Variants in SLC24A3 observed in about 807,000 individuals in gnomAD.
The protein encoded by SLC24A3 is solute carrier family 24 member 3.
Under a neutral mutation model 75.8 loss-of-function variants are expected in SLC24A3, and 28 were observed. That is an observed-to-expected ratio of 0.37 (90% CI 0.27 to 0.51). SLC24A3 has a LOEUF of 0.51. Among genes scored for constraint, SLC24A3 ranks in the 20% least tolerant of loss-of-function variants. SLC24A3 has a pLI of 0.94. For synonymous variants in SLC24A3, 372 were observed against 334.1 expected (o/e 1.11, Z -1.24); for missense variants, 663 against 847.8 (o/e 0.78, Z 2.71).
chr20:19,242,848 T>C lies in SLC24A3; in HGVS notation c.142+29864T>C, dbSNP rs372779298. On this transcript the variant is annotated intron_variant, in intron 1 of 16. Transcript: ENST00000328041. ...AAATTTGCATGTATAGATAATTATT[T>C]TGCATCACTGTCAATTTACAGAGTT... 4.6e-5 allele frequency among the ~76,000 whole-genome samples: 7 copies of C among 152,290 alleles called. 1 individual carries two copies. The East Asian group carries it at 1.2e-3, about 25-fold the overall frequency.
At chr20:19,489,563 T>C (rs1375994409) in intron 2 of SLC24A3, among the ~76,000 whole-genome samples, 2 of 152,210 alleles carry the variant, frequency 1.3e-5, no homozygotes, top group African/African-American at 4.8e-5. Flanking sequence ...CTCTCTTTTA[T>C]GGATTTGTTT....
intron 6 of SLC24A3, among the ~76,000 whole-genome samples, chr20:19,604,951 T>G (rs2122656881): frequency 6.6e-6 from 1 of 152,316 alleles, no homozygotes; most frequent in South Asian, 2.1e-4. Flanking sequence ...ATTCCCCTCT[T>G]ACAGGTGACC....
chr20:19,336,765 C>T (rs2122301164), intron 2 of SLC24A3, among the ~76,000 whole-genome samples: 1 of 149,708 alleles, frequency 6.7e-6, no homozygotes, highest in South Asian at 2.1e-4. Context: ...ACCACTCCTT[C>T]CTGTTGGCAC....
chr20:19,682,093 A>C, intron 10 of SLC24A3, 102 bp downstream of exon 10: 1 of 1,286,264 alleles, frequency 7.8e-7, no homozygotes, highest in Non-Finnish European at 1.1e-6. Context: ...TCTTTACTAA[A>C]AATACAACAA....
intron 12 of SLC24A3, among the ~76,000 whole-genome samples, chr20:19,689,448 G>A (rs1423260936): frequency 6.6e-6 from 1 of 152,184 alleles, no homozygotes; most frequent in East Asian, 1.9e-4. Flanking sequence ...CTCAGTTGCT[G>A]GCTGACTTTT....
intron 2 of SLC24A3, among the ~76,000 whole-genome samples, chr20:19,313,604 AC>A (rs1192451294): frequency 6.6e-6 from 1 of 152,208 alleles, no homozygotes; most frequent in East Asian, 1.9e-4. Flanking sequence ...CTCTCCTGCC[AC>A]TGCTAGGTCT....
intron 13 of SLC24A3, 71 bp downstream of exon 13, chr20:19,693,496 G>A (rs1007124903): frequency 1.3e-6 from 2 of 1,558,438 alleles, no homozygotes; most frequent in East Asian, 4.5e-5. Flanking sequence ...AAGAGTCAGG[G>A]TTTCAGCCGA....
chr20:19,290,858 G>A (rs1333877865), intron 2 of SLC24A3, among the ~76,000 whole-genome samples: 1 of 152,172 alleles, frequency 6.6e-6, no homozygotes, highest in African/African-American at 2.4e-5. Context: ...TTCCAGCAGG[G>A]TCTATGTGTG....
intron 2 of SLC24A3, among the ~76,000 whole-genome samples, chr20:19,389,839 G>A (rs1201412438): frequency 1.3e-5 from 2 of 151,890 alleles, no homozygotes; most frequent in East Asian, 1.9e-4. Context: ...TGCTCTTTCT[G>A]TGTTCCTTCC....
At chr20:19,251,595 A>G (rs1378884454) in intron 1 of SLC24A3, among the ~76,000 whole-genome samples, 1 of 152,104 alleles carries the variant, frequency 6.6e-6, no homozygotes, top group African/African-American at 2.4e-5. Flanking sequence ...GGTCTCAGAG[A>G]GTCTGTGGAA....
chr20:19,327,466 G>T (rs909486084), intron 2 of SLC24A3, among the ~76,000 whole-genome samples: 1 of 152,220 alleles, frequency 6.6e-6, no homozygotes, highest in Non-Finnish European at 1.5e-5. Context: ...GTGGCAGTGA[G>T]TGCTCTACCC....
intron 1 of SLC24A3, among the ~76,000 whole-genome samples, chr20:19,246,614 A>C (rs534110376): frequency 6.6e-6 from 1 of 152,324 alleles, no homozygotes; most frequent in Non-Finnish European, 1.5e-5. Context: ...TATAACACTA[A>C]AAATTTTGAT....
rs559023831 is a variant in SLC24A3 at position 19,228,507 on chromosome 20, T to C, written c.142+15523T>C. ...ACAAAAAATTAGCCGGGCGTGGGCG[T>C]GGTGGTGGGCGCCTGTAGTCTCAGC... On this transcript the variant is annotated intron_variant, in intron 1 of 16. Transcript: ENST00000328041. Among the ~76,000 whole-genome samples the C allele has an allele frequency of 5.3e-5, 8 of 151,940 alleles. No individual in the cohort carries two copies. The South Asian group carries it at 1.7e-3, about 32-fold the overall frequency.
intron 12 of SLC24A3, 158 bp from the exon 13 acceptor site, chr20:19,693,101 G>A: frequency 2.5e-6 from 2 of 798,944 alleles, no homozygotes; most frequent in Non-Finnish European, 3.7e-6. Context: ...TTTCGTTGGT[G>A]ATGGAAAGTC....
intron 3 of SLC24A3, among the ~76,000 whole-genome samples, chr20:19,563,871 G>T (rs1193190619): frequency 6.6e-6 from 1 of 152,176 alleles, no homozygotes; most frequent in Non-Finnish European, 1.5e-5. Context: ...CTACCTTATT[G>T]TGATAACCCT....
intron 2 of SLC24A3, among the ~76,000 whole-genome samples, chr20:19,513,948 C>A (rs564544366): frequency 2.6e-4 from 40 of 152,242 alleles, no homozygotes; most frequent in Middle Eastern, 6.8e-3. Flanking sequence ...CCATCCTCTT[C>A]GCAAGTTTCA....
At chr20:19,383,497 C>A (rs1302277401) in intron 2 of SLC24A3, among the ~76,000 whole-genome samples, 3 of 152,098 alleles carry the variant, frequency 2.0e-5, no homozygotes, top group Non-Finnish European at 4.4e-5. Context: ...TGCCTATGTT[C>A]TGTGTTCATC....
intron 2 of SLC24A3, among the ~76,000 whole-genome samples, chr20:19,453,947 C>T (rs1019888471): frequency 2.0e-5 from 3 of 152,206 alleles, no homozygotes; most frequent in Non-Finnish European, 2.9e-5. Context: ...TTACTGCAAG[C>T]GTATGAGCTA....
intron 6 of SLC24A3, among the ~76,000 whole-genome samples, chr20:19,640,043 A>T (rs1040687251): frequency 6.6e-6 from 1 of 152,208 alleles, no homozygotes; most frequent in Non-Finnish European, 1.5e-5. Flanking sequence ...AAGCTGAGGG[A>T]GCCTGCTGGG....
Sources: gnomAD v4.1 joint callset for allele counts (sites outside exome capture counted in the v4.1 genomes callset) on GRCh38, gnomAD v4.1.1 for gene constraint, MANE v1.5 for transcripts, NCBI Gene and HGNC (gene_info 2026-07-23, HGNC 2026-07-21) for gene names.